Variants in VPS53 observed in about 807,000 individuals in gnomAD.
VPS53 encodes the protein vacuolar protein sorting-associated protein 53 homolog.
A neutral mutation model predicts 107.0 loss-of-function variants in VPS53; 70 were observed. That is an observed-to-expected ratio of 0.65 (90% CI 0.54 to 0.80). VPS53 has a LOEUF of 0.80. Among genes scored for constraint, VPS53 ranks in the 30% least tolerant of loss-of-function variants. The pLI, the probability that VPS53 is intolerant of heterozygous loss-of-function variation, is 0.00. For missense variants in VPS53, 917 were observed against 1,049.4 expected (o/e 0.87, Z 1.74); for synonymous variants, 409 against 393.3 (o/e 1.04, Z -0.47).
At chr17:543,492 A>G (rs1910866296) in intron 17 of VPS53, among the ~76,000 whole-genome samples, 1 of 151,970 alleles carries the variant, frequency 6.6e-6, no homozygotes, top group Non-Finnish European at 1.5e-5. Context: ...AGAGACTTGG[A>G]TTTATTTACC....
At chr17:712,448 G>A (rs948368352) in intron 1 of VPS53, among the ~76,000 whole-genome samples, 1 of 151,890 alleles carries the variant, frequency 6.6e-6, no homozygotes, top group Non-Finnish European at 1.5e-5. Flanking sequence ...CAAAGTGCTG[G>A]GATTACAGGT....
At chr17:557,855 CT>C (rs773408955) in intron 15 of VPS53, among the ~76,000 whole-genome samples, 2,297 of 125,596 alleles carry the variant, frequency 0.018, 27 homozygotes, top group South Asian at 0.03. Flanking sequence ...TAAGGATTAT[CT>C]TTTTTTTTTT....
At chr17:521,792 G>A in intron 19 of VPS53, 54 bp from the exon 20 acceptor site, 3 of 1,407,216 alleles carry the variant, frequency 2.1e-6, no homozygotes, top group Non-Finnish European at 2.8e-6. Flanking sequence ...CCAGTGCCGA[G>A]TGGACTCATG....
intron 11 of VPS53, among the ~76,000 whole-genome samples, chr17:602,250 T>A (rs1230358085): frequency 6.6e-6 from 1 of 152,214 alleles, no homozygotes; most frequent in Non-Finnish European, 1.5e-5. Flanking sequence ...TACCCAGGCA[T>A]TTATTAAAAT....
intron 11 of VPS53, among the ~76,000 whole-genome samples, chr17:609,280 C>T (rs1209124161): frequency 6.6e-6 from 1 of 152,204 alleles, no homozygotes; most frequent in Non-Finnish European, 1.5e-5. Flanking sequence ...GCTTCTTTCA[C>T]TCGGCATGGT....
intron 11 of VPS53, among the ~76,000 whole-genome samples, chr17:607,224 T>G (rs1968627879): frequency 6.6e-6 from 1 of 152,128 alleles, no homozygotes; most frequent in African/African-American, 2.4e-5. Context: ...TCAAAAGAAT[T>G]TCTATTAACC....
intron 2 of VPS53, among the ~76,000 whole-genome samples, chr17:700,135 T>C (rs1973141108): frequency 6.6e-6 from 1 of 152,160 alleles, no homozygotes; most frequent in South Asian, 2.1e-4. Context: ...ATAGATCCAC[T>C]AGAAAAAAGT....
chr17:588,153 TA>T (rs1967427983), intron 12 of VPS53, among the ~76,000 whole-genome samples: 1 of 151,998 alleles, frequency 6.6e-6, no homozygotes, highest in African/African-American at 2.4e-5. Flanking sequence ...CTGTCTCTAC[TA>T]AAAAAATACA....
rs183243451 is a variant in VPS53, at chr17:577,345, A to G, written c.1313+8925T>C. Among the ~76,000 whole-genome samples the G allele has an allele frequency of 2.0e-5, 3 of 151,380 alleles. No individual in the cohort carries two copies. The East Asian group carries it at 5.9e-4, about 30-fold the overall frequency. On this transcript the variant is annotated intron_variant, in intron 13 of 21. Transcript: ENST00000437048. ...CAGAACCTCAATGAGTTACCACAGAACCTCCCTCAGGACCTCAATGCGTTC... is the reference window on the plus strand; with the variant it reads ...CAGAACCTCAATGAGTTACCACAGAGCCTCCCTCAGGACCTCAATGCGTTC...
intron 4 of VPS53, 41 bp downstream of exon 4, chr17:697,377 A>G (rs896983848): frequency 4.5e-6 from 7 of 1,563,288 alleles, no homozygotes; most frequent in Admixed American, 3.4e-5. Flanking sequence ...GCCGGGAGAA[A>G]CCAGGGGAGC....
intron 4 of VPS53, among the ~76,000 whole-genome samples, chr17:672,220 A>G (rs1971993301): frequency 2.4e-5 from 2 of 83,566 alleles, no homozygotes; most frequent in South Asian, 4.5e-4. Flanking sequence ...TCTGAGCTTT[A>G]CTCCCGTCTT....
At chr17:552,615 A>G (rs999747029) in intron 16 of VPS53, 1 of 155,300 alleles carries the variant, frequency 6.4e-6, no homozygotes, top group Non-Finnish European at 1.4e-5. Flanking sequence ...ACTTTAAAAC[A>G]CTGAAGGTAG....
rs946981208 is a variant in VPS53, at chr17:519,197, C to T, written c.2430G>A (p.Thr810=). 2.8e-5 allele frequency: 43 copies of T among 1,548,892 alleles called. No individual in the cohort carries two copies. Among genetic ancestry groups the T allele is most frequent in the African/African-American group, 1.1e-4 (8 of 72,960 alleles). Residue 810 remains threonine, a synonymous_variant, in exon 22 of 22, where the codon ACG becomes ACA. Coordinates refer to ENST00000437048, the MANE Select transcript of VPS53 (RefSeq NM_001128159.3). The surrounding 1 kb of genome is among the most constrained non-coding windows in gnomAD (Gnocchi z 5.0). ...ACGACTCTTGCTCTGGTGTTGGCGCCGTCAGGGACAGTGAGCCGGAGCTTT... is the reference window on the plus strand; with the variant it reads ...ACGACTCTTGCTCTGGTGTTGGCGCTGTCAGGGACAGTGAGCCGGAGCTTT... ...GAESSGSLSL[T]APTPEQESSR... is the part of the protein sequence containing the mutation.
chr17:619,669 C>T lies in VPS53; in HGVS notation c.1116+3864G>A, dbSNP rs75200592. 3.2e-3 allele frequency among the ~76,000 whole-genome samples: 130 copies of T among 40,318 alleles called. 2 individuals are homozygous for T. Among genetic ancestry groups the T allele is most frequent in the Admixed American group, 5.6e-3 (18 of 3,200 alleles). 26.5% of individuals were successfully genotyped at this position (40,318 alleles called of 152,430 possible). A position where few individuals can be genotyped will look rare whatever the true frequency, so the allele number is the denominator to read the frequency against. On this transcript the variant is annotated intron_variant, in intron 11 of 21. Transcript: ENST00000437048. ...CCGGGTAGCTGGGACTACAGGCGTG[C>T]ACCACCACACCCCGCTAATATTTCC... is the stretch of plus-strand genomic sequence containing the variant.
intron 4 of VPS53, among the ~76,000 whole-genome samples, chr17:677,982 G>A (rs750108768): frequency 5.3e-5 from 8 of 152,146 alleles, no homozygotes; most frequent in Middle Eastern, 3.4e-3. Context: ...TTAGCCAGGC[G>A]TGGTGGCGAG....
chr17:630,128 T>C (rs1201047370), intron 8 of VPS53, among the ~76,000 whole-genome samples: 1 of 151,812 alleles, frequency 6.6e-6, no homozygotes, highest in Non-Finnish European at 1.5e-5. Flanking sequence ...ACCCCGTCTC[T>C]ACTAAAAATA....
chr17:597,669 A>G (rs1389475103), intron 12 of VPS53, among the ~76,000 whole-genome samples: 1 of 151,940 alleles, frequency 6.6e-6, no homozygotes, highest in Non-Finnish European at 1.5e-5. Flanking sequence ...CAGCCTCCTG[A>G]GTAGCTGGGA....
At chr17:599,332 T>C (rs1027946252) in intron 12 of VPS53, among the ~76,000 whole-genome samples, 6 of 152,126 alleles carry the variant, frequency 3.9e-5, no homozygotes, top group African/African-American at 1.4e-4. Flanking sequence ...GGGGAAAAGA[T>C]TGAGAAATCG....
chr17:662,413 GA>G (rs1567719134), intron 4 of VPS53, among the ~76,000 whole-genome samples: 1 of 152,198 alleles, frequency 6.6e-6, no homozygotes. Context: ...CACTGGGCCG[GA>G]CACAGTGGCT....
Sources: gnomAD v4.1 joint callset for allele counts (sites outside exome capture counted in the v4.1 genomes callset) on GRCh38, gnomAD v4.1.1 for gene constraint, Gnocchi (gnomAD v3.1) non-coding constraint, MANE v1.5 for transcripts, NCBI Gene and HGNC (gene_info 2026-07-23, HGNC 2026-07-21) for gene names.